PUM3: variants seen among roughly 807,000 people sequenced by gnomAD.
The protein encoded by PUM3 is pumilio homolog 3.
Under a neutral mutation model 84.0 loss-of-function variants are expected in PUM3, and 91 were observed. That is an observed-to-expected ratio of 1.08 (90% CI 0.91 to 1.29). The LOEUF is 1.29. PUM3 is among the 50% of genes most tolerant of loss of function. The pLI, the probability that PUM3 is intolerant of heterozygous loss-of-function variation, is 0.00. For synonymous variants in PUM3, 321 were observed against 266.7 expected (o/e 1.20, Z -1.98); for missense variants, 1,067 against 767.5 (o/e 1.39, Z -4.61).
rs564072971 is a variant in PUM3 at position 2,840,889 on chromosome 9, GC to G, written c.-10-2373del. 2.3e-4 allele frequency among the ~76,000 whole-genome samples: 35 copies of G among 152,332 alleles called. 1 individual carries two copies. The South Asian group carries it at 6.8e-3, about 30-fold the overall frequency. On this transcript the variant is annotated intron_variant, in intron 1 of 17. Transcript: ENST00000397885. ...GGTATTTAAAAACCAAGATCTGAGT[GC>G]TAGGCGCACTTGTTGTCACTGAGGT...
rs1354838486 is a variant in PUM3 at position 2,812,322 on chromosome 9, T to A, written c.1310A>T (p.Tyr437Phe). 1.3e-6 allele frequency: 2 copies of A among 1,595,556 alleles called. No homozygotes were observed. The highest frequency in any genetic ancestry group is 1.7e-6 in the Non-Finnish European group (2 of 1,163,322). ...SSLPSIVNDK[Y>F]GRKVLLYLLS... ...TAAGTACAATAGGACCTTCCTTCCA[T>A]ATTTGTCATTTACTATGCTAGGCAA... The change falls in exon 14 of 18, where the codon TAT becomes TTT. Residue 437 changes from tyrosine to phenylalanine, a missense_variant. Coordinates refer to ENST00000397885, the MANE Select transcript of PUM3 (RefSeq NM_014878.5).
At chr9:2,838,316 CT>C in intron 2 of PUM3, 109 bp downstream of exon 2, 1 of 760,242 alleles carries the variant, frequency 1.3e-6, no homozygotes, top group South Asian at 1.6e-5. Flanking sequence ...ATACTTCTTC[CT>C]ACTATTTTAA....
At chr9:2,825,616 G>A (rs373243104) in intron 10 of PUM3, among the ~76,000 whole-genome samples, 36 of 151,918 alleles carry the variant, frequency 2.4e-4, no homozygotes, top group Non-Finnish European at 4.6e-4. Flanking sequence ...CCGAGTAGCT[G>A]GGGCTACAGG....
chr9:2,810,563 A>C, intron 15 of PUM3, 132 bp from the exon 16 acceptor site: 1 of 612,426 alleles, frequency 1.6e-6, no homozygotes, highest in Non-Finnish European at 2.8e-6. Flanking sequence ...CACAGGCTTA[A>C]GAGGTCTTTA....
intron 17 of PUM3, among the ~76,000 whole-genome samples, chr9:2,805,109 A>T (rs1279089145): frequency 6.6e-6 from 1 of 152,238 alleles, no homozygotes; most frequent in Non-Finnish European, 1.5e-5. Context: ...CCCGAATTGT[A>T]GAATGGGATT....
chr9:2,806,384 G>A (rs1223235932), intron 17 of PUM3, among the ~76,000 whole-genome samples: 1 of 152,186 alleles, frequency 6.6e-6, no homozygotes, highest in Non-Finnish European at 1.5e-5. Flanking sequence ...CATACCTGAA[G>A]CTATGAATGC....
At chr9:2,821,937 G>C (rs955930217) in intron 12 of PUM3, among the ~76,000 whole-genome samples, 1 of 152,176 alleles carries the variant, frequency 6.6e-6, no homozygotes, top group Non-Finnish European at 1.5e-5. Context: ...TAAGAAAAGT[G>C]AGGTAGACAG....
chr9:2,809,365 G>A (rs1372611065), intron 16 of PUM3, among the ~76,000 whole-genome samples: 1 of 152,072 alleles, frequency 6.6e-6, no homozygotes, highest in Non-Finnish European at 1.5e-5. Flanking sequence ...CTACTTTTCT[G>A]GCATAAACTC....
intron 3 of PUM3, 37 bp downstream of exon 3, chr9:2,837,143 C>A (rs753082793): frequency 1.3e-6 from 2 of 1,557,158 alleles, no homozygotes; most frequent in Non-Finnish European, 1.8e-6. Flanking sequence ...CACAATCGTT[C>A]AGGCACTAGT....
chr9:2,841,027 G>C (rs1238318097), intron 1 of PUM3, among the ~76,000 whole-genome samples: 1 of 152,084 alleles, frequency 6.6e-6, no homozygotes, highest in Non-Finnish European at 1.5e-5. Flanking sequence ...ACAATAACTT[G>C]AAGCTCATAC....
intron 5 of PUM3, among the ~76,000 whole-genome samples, 183 bp from the exon 6 acceptor site, chr9:2,831,527 G>A (rs1815981331): frequency 6.6e-6 from 1 of 152,064 alleles, no homozygotes; most frequent in Non-Finnish European, 1.5e-5. Context: ...TTGTTTTGAG[G>A]CCTACCATAT....
chr9:2,838,439 A>T lies in PUM3; in HGVS notation c.69T>A (p.Phe23Leu). The stretch of plus-strand genomic sequence containing the variant: ...AGCATATCTTACCACTATTTTTATG[A>T]AATCTGTTTTTTTCTTGTGCTGTCT... ...STKTAQEKNRFHKNSDSGSSK... is the reference protein window; with the variant it reads ...STKTAQEKNRLHKNSDSGSSK... The change falls in exon 2 of 18, where the codon TTT becomes TTA. Residue 23 changes from phenylalanine to leucine, a missense_variant. By Grantham distance (22) the Phe-to-Leu change is conservative. Coordinates refer to ENST00000397885, the MANE Select transcript of PUM3 (RefSeq NM_014878.5). 2 of 1,610,632 alleles carry T rather than the reference A, an allele frequency of 1.2e-6. No homozygotes were observed. Among genetic ancestry groups the T allele is most frequent in the Non-Finnish European group, 1.7e-6 (2 of 1,176,926 alleles).
chr9:2,827,126 C>G lies in PUM3; in HGVS notation c.982G>C (p.Val328Leu). The G allele has an allele frequency of 1.9e-6, 3 of 1,609,630 alleles. No homozygotes were observed. Among genetic ancestry groups the G allele is most frequent in the Non-Finnish European group, 2.5e-6 (3 of 1,178,400 alleles). Residue 328 changes from valine (V) to leucine (L), a missense_variant, in exon 10 of 18, where the codon GTG becomes CTG. Physicochemically the swap from Val to Leu is conservative, Grantham distance 32. Coordinates refer to ENST00000397885, the MANE Select transcript of PUM3 (RefSeq NM_014878.5). Reference sequence around the variant, plus strand: ...AAAAAGTCCAAGAATACTTTATGCACCAATGAGTGCTTAATCACAGCTTCC... The same window carrying G: ...AAAAAGTCCAAGAATACTTTATGCAGCAATGAGTGCTTAATCACAGCTTCC... ...QKEAVIKHSL[V>L]HKVFLDFFTY... is the part of the protein sequence containing the mutation.
chr9:2,811,246 GTTTA>G (rs1275889359), intron 15 of PUM3, 111 bp downstream of exon 15: 18 of 774,036 alleles, frequency 2.3e-5, no homozygotes, highest in Non-Finnish European at 3.7e-5. Flanking sequence ...GTTCTTGGTT[GTTTA>G]TTCAACAGGT....
At chr9:2,834,945 C>T (rs1400351398) in intron 3 of PUM3, among the ~76,000 whole-genome samples, 1 of 147,112 alleles carries the variant, frequency 6.8e-6, no homozygotes, top group Non-Finnish European at 1.5e-5. Flanking sequence ...GTATCTGGCA[C>T]AGAATCTTTT....
At chr9:2,837,473 T>A in intron 2 of PUM3, 72 bp from the exon 3 acceptor site, 1 of 971,592 alleles carries the variant, frequency 1.0e-6, no homozygotes, top group Non-Finnish European at 1.5e-6. Flanking sequence ...ATTATATCCA[T>A]TACAGAAAAT....
intron 12 of PUM3, among the ~76,000 whole-genome samples, chr9:2,822,645 T>C (rs1815683380): frequency 6.6e-6 from 1 of 150,618 alleles, no homozygotes; most frequent in African/African-American, 2.4e-5. Context: ...TAATGTAAGG[T>C]ATTCAAATTA....
At chr9:2,815,008 A>C (rs950217179) in intron 13 of PUM3, among the ~76,000 whole-genome samples, 2 of 152,226 alleles carry the variant, frequency 1.3e-5, no homozygotes, top group African/African-American at 4.8e-5. Context: ...AAATGGTTTT[A>C]TAAAATGAGA....
chr9:2,824,701 G>C lies in PUM3; in HGVS notation c.1134+16C>G, dbSNP rs753989749. ...TGACTTGTACAGTTTAAATGCCCAA[G>C]TGCTGTCACACTTACCTTGGGCGTG... is the stretch of plus-strand genomic sequence containing the variant. On this transcript the variant is annotated intron_variant, in intron 11 of 17. Transcript: ENST00000397885. 1.3e-5 allele frequency: 19 copies of C among 1,497,614 alleles called. No individual in the cohort carries two copies. The highest frequency in any genetic ancestry group is 1.6e-5 in the Non-Finnish European group (18 of 1,106,536). The allele number at this position is 1,497,614 out of a possible 1,614,324, so 92.8% of individuals were successfully genotyped here.
Sources: allele counts gnomAD v4.1 joint callset (sites outside exome capture counted in the v4.1 genomes callset), GRCh38; gene constraint gnomAD v4.1.1; transcripts MANE v1.5; gene names NCBI Gene and HGNC (gene_info 2026-07-23, HGNC 2026-07-21).